Variants in UNC5C observed in about 807,000 individuals in gnomAD.
The protein encoded by UNC5C is netrin receptor UNC5C.
In UNC5C, 47 loss-of-function variants were observed where a neutral mutation model predicts 99.8. The ratio of observed to expected loss-of-function variants is 0.47; its 90% confidence interval spans 0.37 to 0.60. UNC5C has a LOEUF of 0.60. Ranked by LOEUF, UNC5C falls within the 20% of genes least tolerant of loss-of-function variation. The pLI, the probability that UNC5C is intolerant of heterozygous loss-of-function variation, is 0.00. For missense variants in UNC5C, 1,062 were observed against 1,165.9 expected, an observed-to-expected ratio of 0.91 and a Z score of 1.30; for synonymous variants, 487 against 452.2, an observed-to-expected ratio of 1.08 and a Z score of -0.98.
intron 2 of UNC5C, among the ~76,000 whole-genome samples, chr4:95,318,574 G>A (rs567652107): frequency 2.6e-5 from 4 of 152,250 alleles, no homozygotes; most frequent in Non-Finnish European, 4.4e-5. Flanking sequence ...AATGCCCCCC[G>A]AATGGGTGTG....
At chr4:95,376,273 T>C (rs977147541) in intron 1 of UNC5C, among the ~76,000 whole-genome samples, 31 of 152,056 alleles carry the variant, frequency 2.0e-4, no homozygotes, top group African/African-American at 7.2e-4. Flanking sequence ...TATATATTTG[T>C]TTTCAGTAAA....
At chr4:95,299,720 T>C (rs948578525) in intron 3 of UNC5C, among the ~76,000 whole-genome samples, 2 of 152,190 alleles carry the variant, frequency 1.3e-5, no homozygotes, top group Non-Finnish European at 2.9e-5. Flanking sequence ...AACTCCCCTT[T>C]ATAAAAGCAT....
intron 7 of UNC5C, among the ~76,000 whole-genome samples, chr4:95,228,279 GGATA>G (rs549514213): frequency 1.6e-3 from 243 of 152,064 alleles, no homozygotes; most frequent in Admixed American, 3.4e-3. Flanking sequence ...CAAGCCATAT[GGATA>G]GATAGCAAAA....
At chr4:95,423,414 T>C (rs1746374913) in intron 1 of UNC5C, among the ~76,000 whole-genome samples, 1 of 152,222 alleles carries the variant, frequency 6.6e-6, no homozygotes, top group South Asian at 2.1e-4. Context: ...AATGCAGTTA[T>C]ACTTTAAAAA....
chr4:95,404,860 G>A (rs970849595), intron 1 of UNC5C, among the ~76,000 whole-genome samples: 6 of 152,172 alleles, frequency 3.9e-5, no homozygotes, highest in African/African-American at 9.7e-5. Flanking sequence ...GTGGAACAAC[G>A]TGGCAGAGAA....
intron 12 of UNC5C, among the ~76,000 whole-genome samples, chr4:95,191,991 C>T (rs1157986475): frequency 7.7e-6 from 1 of 130,442 alleles, no homozygotes; most frequent in Non-Finnish European, 1.6e-5. Context: ...CTCCCCCCTG[C>T]TAATCCTCCT....
chr4:95,277,184 C>A (rs979429501), intron 4 of UNC5C, among the ~76,000 whole-genome samples: 1 of 152,182 alleles, frequency 6.6e-6, no homozygotes, highest in Non-Finnish European at 1.5e-5. Flanking sequence ...GAGATAGGCA[C>A]AACTTCAGGG....
chr4:95,178,979 T>C (rs1228174703), intron 14 of UNC5C, among the ~76,000 whole-genome samples: 1 of 152,238 alleles, frequency 6.6e-6, no homozygotes, highest in Non-Finnish European at 1.5e-5. Flanking sequence ...CTAGTAATTT[T>C]AGTTGCTATT....
intron 5 of UNC5C, among the ~76,000 whole-genome samples, chr4:95,249,737 G>A (rs980391839): frequency 7.9e-5 from 12 of 152,194 alleles, no homozygotes; most frequent in African/African-American, 2.9e-4. Context: ...GGCTTAGAAA[G>A]GACCAGGGTG....
At chr4:95,288,450 A>T (rs1741322960) in intron 3 of UNC5C, among the ~76,000 whole-genome samples, 1 of 152,200 alleles carries the variant, frequency 6.6e-6, no homozygotes, top group South Asian at 2.1e-4. Context: ...AGCTATTTAG[A>T]AGTGGATTAC....
chr4:95,235,551 C>A lies in UNC5C; in HGVS notation c.1108+6878G>T, dbSNP rs372069643. On this transcript the variant is annotated intron_variant, in intron 7 of 15. Coordinates refer to ENST00000453304, the MANE Select transcript of UNC5C (RefSeq NM_003728.4). ...GCTTTTGGTGTTTTAGTCATGAAGT[C>A]CTTGCCCATGCCTATGTCCTGAATG... Among the ~76,000 whole-genome samples, 58 of 152,202 alleles carry A rather than the reference C, an allele frequency of 3.8e-4. No homozygotes were observed. In the South Asian group the frequency reaches 0.011, roughly 30 times the overall value.
At chr4:95,512,983 G>A (rs1009566755) in intron 1 of UNC5C, among the ~76,000 whole-genome samples, 3 of 152,124 alleles carry the variant, frequency 2.0e-5, no homozygotes, top group South Asian at 2.1e-4. Flanking sequence ...GTGCATTACC[G>A]CCTGCAAAGA....
chr4:95,269,144 T>TA (rs1173282202), intron 4 of UNC5C, among the ~76,000 whole-genome samples: 3 of 152,232 alleles, frequency 2.0e-5, no homozygotes, highest in South Asian at 2.1e-4. Flanking sequence ...TGGAGAGCTT[T>TA]AAAAAATCTC....
At chr4:95,226,717 CA>C in intron 7 of UNC5C, among the ~76,000 whole-genome samples, 1 of 152,214 alleles carries the variant, frequency 6.6e-6, no homozygotes, top group South Asian at 2.1e-4. Flanking sequence ...GGTATGTTTC[CA>C]AAGCACATTT....
At chr4:95,529,211 T>C (rs1348003912) in intron 1 of UNC5C, among the ~76,000 whole-genome samples, 1 of 151,028 alleles carries the variant, frequency 6.6e-6, no homozygotes, top group Admixed American at 6.6e-5. Flanking sequence ...TCAGCTGTAC[T>C]GATTTTTTTC....
At chr4:95,333,526 A>T (rs1375553161) in intron 2 of UNC5C, among the ~76,000 whole-genome samples, 1 of 142,452 alleles carries the variant, frequency 7.0e-6, no homozygotes, top group Non-Finnish European at 1.5e-5. Flanking sequence ...AACAATGAGA[A>T]CACATGGACA....
At chr4:95,184,623 C>T (rs1736756537) in intron 13 of UNC5C, among the ~76,000 whole-genome samples, 1 of 152,136 alleles carries the variant, frequency 6.6e-6, no homozygotes, top group African/African-American at 2.4e-5. Context: ...TTTCAGTTCT[C>T]CAAAGTAGGG....
At chr4:95,176,570 G>A (rs1294042956) in intron 14 of UNC5C, among the ~76,000 whole-genome samples, 2 of 151,974 alleles carry the variant, frequency 1.3e-5, no homozygotes, top group Non-Finnish European at 2.9e-5. Flanking sequence ...TAGGGGTCAG[G>A]GACCCACTTG....
In UNC5C at chr4:95,486,718, CCAT is replaced by C. The variant is rs1721339036; in HGVS notation, c.124+62013_124+62015del. On this transcript the variant is annotated intron_variant, in intron 1 of 15. Transcript: ENST00000453304. ...TTCTTCCAGAAAAACATCCTGAATC[CCAT>C]CATTTGATTTTGATGCTTCTCCACC... Among the ~76,000 whole-genome samples, 4 of 151,382 alleles carry C rather than the reference CCAT, an allele frequency of 2.6e-5. No homozygotes were observed. In the South Asian group the frequency reaches 8.4e-4, roughly 32 times the overall value.
Sources: allele counts gnomAD v4.1 joint callset (sites outside exome capture counted in the v4.1 genomes callset), GRCh38; gene constraint gnomAD v4.1.1; transcripts MANE v1.5; gene names NCBI Gene and HGNC (gene_info 2026-07-23, HGNC 2026-07-21).